Variants in ANK3 observed in about 807,000 individuals in gnomAD.
The protein encoded by ANK3 is ankyrin-3.
ANK3 carries 57 observed loss-of-function variants against 370.9 expected under a neutral mutation model. The ratio of observed to expected loss-of-function variants is 0.15; its 90% confidence interval spans 0.12 to 0.19. The LOEUF (loss-of-function observed/expected upper bound fraction) is 0.19. ANK3 is among the 10% of genes least tolerant of loss of function. The pLI, the probability that ANK3 is intolerant of heterozygous loss-of-function variation, is 1.00. For missense variants in ANK3, 4,439 were observed against 5,302.1 expected (o/e 0.84, Z 5.06); for synonymous variants, 1,929 against 1,946.3 (o/e 0.99, Z 0.23).
chr10:60,642,358 A>G (rs1292139275), intron 1 of ANK3, among the ~76,000 whole-genome samples: 1 of 151,706 alleles, frequency 6.6e-6, no homozygotes, highest in African/African-American at 2.4e-5. Context: ...CACTATTCAC[A>G]ATAGCAAAGA....
intron 2 of ANK3, among the ~76,000 whole-genome samples, chr10:60,475,536 A>G (rs969200537): frequency 6.6e-6 from 1 of 152,212 alleles, no homozygotes; most frequent in Non-Finnish European, 1.5e-5. Context: ...TCTGTATTAT[A>G]CACAATTTTT....
At chr10:60,496,150 A>G (rs1329503882) in intron 2 of ANK3, among the ~76,000 whole-genome samples, 1 of 152,204 alleles carries the variant, frequency 6.6e-6, no homozygotes, top group African/African-American at 2.4e-5. Flanking sequence ...TTTATGATTT[A>G]GATGTGGATA....
chr10:60,654,984 C>T (rs1335403776), intron 1 of ANK3, among the ~76,000 whole-genome samples: 4 of 152,162 alleles, frequency 2.6e-5, no homozygotes, highest in South Asian at 2.1e-4. Flanking sequence ...ACATCATAGC[C>T]GTCATAACAG....
rs1034208993 is a variant in ANK3, at chr10:60,240,676, C to T, written c.799-5890G>A. ...GCACAATCTCAGTTCACTGCAACCT[C>T]CATCTCCCAGGTTCAAGTGATTCTG... On this transcript the variant is annotated intron_variant, in intron 7 of 43. Coordinates refer to ENST00000280772, the MANE Select transcript of ANK3 (RefSeq NM_020987.5). Among the ~76,000 whole-genome samples the T allele has an allele frequency of 3.3e-5, 5 of 152,188 alleles. No individual in the cohort carries two copies. The South Asian group carries it at 6.2e-4, about 19-fold the overall frequency.
At chr10:60,250,312 A>G (rs2097632557) in intron 7 of ANK3, among the ~76,000 whole-genome samples, 1 of 152,208 alleles carries the variant, frequency 6.6e-6, no homozygotes, top group Non-Finnish European at 1.5e-5. Context: ...ACAAACTGGG[A>G]AAAACCAGTT....
At chr10:60,549,540 A>G (rs1326246619) in intron 2 of ANK3, among the ~76,000 whole-genome samples, 3 of 152,138 alleles carry the variant, frequency 2.0e-5, no homozygotes, top group African/African-American at 7.2e-5. Flanking sequence ...AATTAACTGA[A>G]CTAGTGCTTA....
rs76365957 is a variant in ANK3, at chr10:60,531,471, T to C, written c.96+83715A>G. Among the ~76,000 whole-genome samples the C allele has an allele frequency of 2.6e-5, 4 of 152,234 alleles. No homozygotes were observed. In the East Asian group the frequency reaches 7.7e-4, roughly 29 times the overall value. ...TCTGGTGAGGGAAAATCAGTGGCTG[T>C]GGGCCAGAAGAGAGAAAATTTACTC... is the stretch of plus-strand genomic sequence containing the variant. On this transcript the variant is annotated intron_variant, in intron 2 of 43. Coordinates refer to the ANK3 transcript ENST00000373827.
chr10:60,293,517 G>A (rs138728344), intron 1 of ANK3, among the ~76,000 whole-genome samples: 17 of 152,222 alleles, frequency 1.1e-4, no homozygotes, highest in African/African-American at 3.1e-4. Context: ...AAACTGAAGC[G>A]AAGAGAGGTG....
At chr10:60,386,725 C>T (rs2062390758) in intron 1 of ANK3, among the ~76,000 whole-genome samples, 1 of 152,138 alleles carries the variant, frequency 6.6e-6, no homozygotes, top group Non-Finnish European at 1.5e-5. Flanking sequence ...GTCATCACAC[C>T]TAATCAAGAA....
chr10:60,157,874 GAGAGAGAGAAAA>G (rs1405087422), intron 23 of ANK3, among the ~76,000 whole-genome samples: 2,281 of 130,314 alleles, frequency 0.018, 61 homozygotes, highest in East Asian at 0.083. Context: ...GAGACAGAGA[GAGAGAGAGAAAA>G]AGAGAGAGAG....
intron 1 of ANK3, among the ~76,000 whole-genome samples, chr10:60,699,059 G>A (rs1049801398): frequency 9.6e-5 from 14 of 145,256 alleles, no homozygotes; most frequent in African/African-American, 3.5e-4. Flanking sequence ...GTTCTCACTG[G>A]TATGTGGGAG....
chr10:60,391,761 G>C (rs561643950), upstream of ANK3, among the ~76,000 whole-genome samples: 29 of 152,244 alleles, frequency 1.9e-4, no homozygotes, highest in East Asian at 5.4e-3. Flanking sequence ...AGTATAGTTG[G>C]AAATTAGGAA....
intron 27 of ANK3, among the ~76,000 whole-genome samples, chr10:60,106,735 T>A (rs535744206): frequency 2.0e-5 from 3 of 152,314 alleles, no homozygotes; most frequent in African/African-American, 7.2e-5. Flanking sequence ...TTTTTGACAG[T>A]GTCCTTTTGC....
At position 60,076,450 on chromosome 10, in the gene ANK3, T is replaced by C. The variant is rs1199182212; in HGVS notation, c.4433-2A>G. The stretch of plus-strand genomic sequence containing the variant: ...TTGTTGCTCCTGTACTCCGTTCAAC[T>C]GTTTCTTAAATTTTAAAATGAAATC... On this transcript the variant is annotated splice_acceptor_variant, in intron 36 of 43. Transcript: ENST00000280772. LOFTEE classifies it high-confidence loss of function. 1 of 1,555,846 alleles carries C rather than the reference T, an allele frequency of 6.4e-7. No individual in the cohort carries two copies. The highest frequency in any genetic ancestry group is 8.7e-7 in the Non-Finnish European group (1 of 1,152,196).
At chr10:60,350,246 G>A (rs957944849) in intron 1 of ANK3, among the ~76,000 whole-genome samples, 5 of 152,138 alleles carry the variant, frequency 3.3e-5, no homozygotes, top group South Asian at 2.1e-4. Flanking sequence ...GCTAATTATC[G>A]AGCAAAATGG....
At chr10:60,518,952 C>T (rs1333361345) in intron 2 of ANK3, among the ~76,000 whole-genome samples, 1 of 152,124 alleles carries the variant, frequency 6.6e-6, no homozygotes, top group Non-Finnish European at 1.5e-5. Flanking sequence ...TTCCTTGGCT[C>T]AGATCCCAGT....
At chr10:60,636,941 G>C (rs7069933) in intron 1 of ANK3, among the ~76,000 whole-genome samples, 151,233 of 152,304 alleles carry the variant, frequency 0.99, 75,090 homozygotes, top group Middle Eastern at 1. Context: ...TAGGGCAGTG[G>C]ATTTCACTTG....
At chr10:60,161,883 T>G (rs2095509977) in intron 23 of ANK3, among the ~76,000 whole-genome samples, 1 of 152,122 alleles carries the variant, frequency 6.6e-6, no homozygotes, top group Non-Finnish European at 1.5e-5. Flanking sequence ...TAACAATATA[T>G]TTCAAAAGAA....
At position 60,301,367 on chromosome 10, in the gene ANK3, TACACACAC is replaced by T. The variant is rs141317635; in HGVS notation, c.115-21736_115-21729del. On this transcript the variant is annotated intron_variant, in intron 1 of 43. Coordinates refer to ENST00000280772, the MANE Select transcript of ANK3 (RefSeq NM_020987.5). ...ATATACACACACATGCACGCACAGATACACACACACACACATACATACATACACACACA... is the reference window on the plus strand; with the variant it reads ...ATATACACACACATGCACGCACAGATACACACATACATACATACACACACA... Among the ~76,000 whole-genome samples, 3 of 144,220 alleles carry T rather than the reference TACACACAC, an allele frequency of 2.1e-5. No homozygotes were observed. The Admixed American group carries it at 2.1e-4, about 10-fold the overall frequency. 94.6% of individuals were successfully genotyped at this position (144,220 alleles called of 152,430 possible). A position where few individuals can be genotyped will look rare whatever the true frequency, so the allele number is the denominator to read the frequency against.
Sources: allele counts gnomAD v4.1 joint callset (sites outside exome capture counted in the v4.1 genomes callset), GRCh38; gene constraint gnomAD v4.1.1; transcripts MANE v1.5; gene names NCBI Gene and HGNC (gene_info 2026-07-23, HGNC 2026-07-21).